Variants in PARD3B observed in about 807,000 individuals in gnomAD.
PARD3B encodes par-3 family cell polarity regulator beta, also known as partitioning defective 3 homolog B.
Under a neutral mutation model 130.2 loss-of-function variants are expected in PARD3B, and 103 were observed. The observed-to-expected ratio is 0.79, with a 90% CI of 0.67 to 0.93. The LOEUF is 0.93. Ranked by LOEUF, PARD3B falls within the 40% of genes least tolerant of loss-of-function variation. PARD3B has a pLI of 0.00. For synonymous variants in PARD3B, 583 were observed against 553.2 expected (o/e 1.05, Z -0.76); for missense variants, 1,609 against 1,499.2 (o/e 1.07, Z -1.21).
In PARD3B at chr2:205,405,047, ATC is replaced by A. The variant is rs778502393; in HGVS notation, c.2741+3926_2741+3927del. ...ATATCTCATTTTAAGTTATCTACAT[ATC>A]TAATTCCTGATCCGAAACCATTTTG... is the stretch of plus-strand genomic sequence containing the variant. On this transcript the variant is annotated intron_variant, in intron 19 of 22. Coordinates refer to ENST00000406610, the MANE Select transcript of PARD3B (RefSeq NM_001302769.2). This position sits in a 1 kb window ranked among gnomAD's most constrained non-coding sequence, Gnocchi z 4.1. Among the ~76,000 whole-genome samples, 75 of 152,126 alleles carry A rather than the reference ATC, an allele frequency of 4.9e-4. No homozygotes were observed. The highest frequency in any genetic ancestry group is 1.2e-3 in the Admixed American group (19 of 15,274).
chr2:205,551,656 G>A (rs1455485327), intron 21 of PARD3B, among the ~76,000 whole-genome samples: 1 of 152,120 alleles, frequency 6.6e-6, no homozygotes, highest in Admixed American at 6.5e-5. Flanking sequence ...CTTAATCTAA[G>A]TGCAAGTGTA....
chr2:205,170,820 A>G (rs1553630994), intron 11 of PARD3B, among the ~76,000 whole-genome samples: 1 of 136,444 alleles, frequency 7.3e-6, no homozygotes, highest in African/African-American at 2.7e-5. Context: ...TTTACATTTC[A>G]TTCTGTTAAT....
chr2:204,925,519 A>G (rs918154258), intron 2 of PARD3B, among the ~76,000 whole-genome samples: 2 of 152,038 alleles, frequency 1.3e-5, no homozygotes, highest in South Asian at 2.1e-4. Context: ...ACAAGGGCTT[A>G]TAAAATAAAT....
At chr2:205,224,696 T>C (rs1035428744) in intron 15 of PARD3B, among the ~76,000 whole-genome samples, 9 of 152,198 alleles carry the variant, frequency 5.9e-5, no homozygotes, top group Admixed American at 2.0e-4. Context: ...GTGCCTGGCT[T>C]ATTTCATTTA....
chr2:205,057,107 T>C (rs910902627), intron 4 of PARD3B, among the ~76,000 whole-genome samples: 3 of 151,608 alleles, frequency 2.0e-5, no homozygotes, highest in African/African-American at 7.3e-5. Flanking sequence ...GGTTGTATAA[T>C]TTGTAATTTG....
intron 21 of PARD3B, among the ~76,000 whole-genome samples, chr2:205,504,575 T>C (rs1470208127): frequency 1.3e-5 from 2 of 152,008 alleles, no homozygotes; most frequent in African/African-American, 4.8e-5. Flanking sequence ...AAAAAGTGGG[T>C]GAAGGATATG....
intron 3 of PARD3B, among the ~76,000 whole-genome samples, chr2:205,014,915 A>T (rs769931571): frequency 6.6e-6 from 1 of 152,202 alleles, no homozygotes; most frequent in Non-Finnish European, 1.5e-5. Context: ...GGCTGCAAAG[A>T]TCAACTTCTC....
intron 20 of PARD3B, among the ~76,000 whole-genome samples, chr2:205,441,570 GT>G: frequency 6.6e-6 from 1 of 152,138 alleles, no homozygotes. Flanking sequence ...GAAAAGACTT[GT>G]TTTCCAGACT....
intron 18 of PARD3B, among the ~76,000 whole-genome samples, chr2:205,313,648 A>G (rs533687473): frequency 6.6e-6 from 1 of 152,316 alleles, no homozygotes; most frequent in South Asian, 2.1e-4. Flanking sequence ...TCTTCTCCTA[A>G]TATGCGTGCA....
At chr2:204,935,328 G>C (rs1364550815) in intron 2 of PARD3B, among the ~76,000 whole-genome samples, 1 of 146,634 alleles carries the variant, frequency 6.8e-6, no homozygotes, top group African/African-American at 2.5e-5. Flanking sequence ...AGGAGATCAA[G>C]ACCATCCTGG....
At chr2:205,311,809 A>C (rs17199190) in intron 18 of PARD3B, among the ~76,000 whole-genome samples, 4,227 of 152,340 alleles carry the variant, frequency 0.028, 75 homozygotes, top group Middle Eastern at 0.058. Context: ...AAAACCTTCT[A>C]TTGCAGAATA....
At chr2:205,552,683 G>A (rs2052702581) in intron 21 of PARD3B, among the ~76,000 whole-genome samples, 1 of 151,998 alleles carries the variant, frequency 6.6e-6, no homozygotes, top group African/African-American at 2.4e-5. Flanking sequence ...CAAAGTGCTG[G>A]GATTGCAGGC....
At chr2:205,467,983 A>G (rs1559121563) in intron 20 of PARD3B, among the ~76,000 whole-genome samples, 2 of 152,218 alleles carry the variant, frequency 1.3e-5, no homozygotes, top group Non-Finnish European at 2.9e-5. Flanking sequence ...ATCTAGAAAA[A>G]TGTTCCCCAC....
At position 204,678,097 on chromosome 2, in the gene PARD3B, G is replaced by C. The variant is rs1392721510; in HGVS notation, c.121-8084G>C. 6.6e-6 allele frequency among the ~76,000 whole-genome samples: 1 copy of C among 152,182 alleles called. No homozygotes were observed. The highest frequency in any genetic ancestry group is 1.5e-5 in the Non-Finnish European group (1 of 68,044). On this transcript the variant is annotated intron_variant, in intron 1 of 22. Transcript: ENST00000406610. This position sits in a 1 kb window ranked among gnomAD's most constrained non-coding sequence, Gnocchi z 4.2. Reference sequence around the variant, plus strand: ...AAGTTAAGTATAGCTGGTGAGACAGGAGAGTCCCTGACTCCCTCGCAGGAC... The same window carrying C: ...AAGTTAAGTATAGCTGGTGAGACAGCAGAGTCCCTGACTCCCTCGCAGGAC...
intron 2 of PARD3B, among the ~76,000 whole-genome samples, chr2:204,747,091 T>G (rs977544783): frequency 2.0e-5 from 3 of 152,286 alleles, no homozygotes; most frequent in African/African-American, 7.2e-5. Flanking sequence ...GGTTTTCTTC[T>G]AGGGTTTTTA....
intron 2 of PARD3B, among the ~76,000 whole-genome samples, chr2:204,787,983 T>C (rs2042069238): frequency 6.6e-6 from 1 of 152,206 alleles, no homozygotes; most frequent in South Asian, 2.1e-4. Flanking sequence ...GTACAGTATC[T>C]GGTCTGTATT....
intron 1 of PARD3B, among the ~76,000 whole-genome samples, chr2:204,578,296 A>G (rs770031537): frequency 1.3e-5 from 2 of 152,236 alleles, no homozygotes; most frequent in African/African-American, 2.4e-5. Context: ...CTCTTCATCC[A>G]TGACTGGATT....
intron 16 of PARD3B, among the ~76,000 whole-genome samples, chr2:205,248,309 A>T (rs550293786): frequency 7.0e-4 from 105 of 149,078 alleles, no homozygotes; most frequent in African/African-American, 2.5e-3. Flanking sequence ...ATCCTCAGGA[A>T]CTCACCCCTC....
At chr2:204,795,994 A>G (rs893897763) in intron 2 of PARD3B, among the ~76,000 whole-genome samples, 2 of 152,198 alleles carry the variant, frequency 1.3e-5, no homozygotes, top group African/African-American at 2.4e-5. Context: ...ATCACTCTAC[A>G]TGTTTTTTCT....
Sources: allele counts gnomAD v4.1 joint callset (sites outside exome capture counted in the v4.1 genomes callset), GRCh38; gene constraint gnomAD v4.1.1; non-coding constraint Gnocchi (gnomAD v3.1); transcripts MANE v1.5; gene names NCBI Gene and HGNC (gene_info 2026-07-23, HGNC 2026-07-21).